Variants in EYA2 observed in about 807,000 individuals in gnomAD.
The protein encoded by EYA2 is protein phosphatase EYA2.
A neutral mutation model predicts 69.2 loss-of-function variants in EYA2; 31 were observed. The ratio of observed to expected loss-of-function variants is 0.45; its 90% CI spans 0.34 to 0.60. The LOEUF (loss-of-function observed/expected upper bound fraction) is 0.60. EYA2 is among the 20% of genes least tolerant of loss of function. The pLI is 0.02. For synonymous variants in EYA2, 257 were observed against 279.4 expected (o/e 0.92, Z 0.80); for missense variants, 622 against 701.2 (o/e 0.89, Z 1.28).
chr20:46,933,192 A>T (rs1985748380), intron 1 of EYA2, among the ~76,000 whole-genome samples: 1 of 152,172 alleles, frequency 6.6e-6, no homozygotes, highest in African/African-American at 2.4e-5. Flanking sequence ...GCCTCATCAG[A>T]TCATTTGAGA....
Position 47,188,563 on chromosome 20 carries a change from G to C in EYA2, c.*430G>C. On this transcript the variant is annotated 3_prime_UTR_variant, in exon 16 of 16. Coordinates refer to ENST00000327619, the MANE Select transcript of EYA2 (RefSeq NM_005244.5). ...AGTCGTTGGTTTGGTTTGGTTTTTTGAACTGGTATGTGGGGTGGTTCACAG... is the reference window on the plus strand; with the variant it reads ...AGTCGTTGGTTTGGTTTGGTTTTTTCAACTGGTATGTGGGGTGGTTCACAG... 1 of 460,368 alleles carries C rather than the reference G, an allele frequency of 2.2e-6. No homozygotes were observed. The highest frequency in any genetic ancestry group is 6.8e-5 in the South Asian group (1 of 14,610). The allele number at this position is 460,368 out of a possible 1,614,324, so 28.5% of individuals were successfully genotyped here.
At position 47,069,505 on chromosome 20, in the gene EYA2, A is replaced by G. The variant is rs528188049; in HGVS notation, c.416-2680A>G. ...ATTCTGTTTTTTAAAAAAAATCACC[A>G]TAAAGCTTCAGTAATAAGGATAGGA... On this transcript the variant is annotated intron_variant, in intron 5 of 15. Transcript: ENST00000327619. Among the ~76,000 whole-genome samples, 38 of 152,250 alleles carry G rather than the reference A, an allele frequency of 2.5e-4. 1 individual carries two copies. The highest frequency in any genetic ancestry group is 1.6e-4 in the Non-Finnish European group (11 of 68,016).
chr20:46,973,124 G>A (rs1462238074), intron 1 of EYA2, among the ~76,000 whole-genome samples: 1 of 152,266 alleles, frequency 6.6e-6, no homozygotes, highest in South Asian at 2.1e-4. Context: ...AGATGCAATG[G>A]TGAGAGCCCA....
At chr20:46,922,287 A>T (rs1985212341) in intron 1 of EYA2, among the ~76,000 whole-genome samples, 1 of 152,200 alleles carries the variant, frequency 6.6e-6, no homozygotes, top group Non-Finnish European at 1.5e-5. Flanking sequence ...GAAGAGTTAC[A>T]CTAATGGTAA....
chr20:47,108,410 T>A (rs1411534926), intron 9 of EYA2, among the ~76,000 whole-genome samples: 1 of 152,162 alleles, frequency 6.6e-6, no homozygotes, highest in African/African-American at 2.4e-5. Context: ...GCCTGAGGCC[T>A]CACCAGATGC....
intron 9 of EYA2, chr20:47,117,581 T>C: frequency 1.0e-6 from 1 of 985,380 alleles, no homozygotes; most frequent in Non-Finnish European, 1.2e-6. Flanking sequence ...AGGGATTCAA[T>C]CAGATCCAGT....
intron 5 of EYA2, among the ~76,000 whole-genome samples, chr20:47,049,425 C>A (rs1038363111): frequency 4.6e-5 from 7 of 152,088 alleles, no homozygotes; most frequent in African/African-American, 1.4e-4. Flanking sequence ...GGAGGTGGGG[C>A]CTGGTGGGAG....
intron 9 of EYA2, among the ~76,000 whole-genome samples, chr20:47,110,792 G>C (rs1371663913): frequency 6.6e-6 from 1 of 152,212 alleles, no homozygotes; most frequent in Non-Finnish European, 1.5e-5. Flanking sequence ...GCAGAAATAA[G>C]ATTCCAGGGC....
intron 5 of EYA2, among the ~76,000 whole-genome samples, chr20:47,070,805 T>C (rs2031285474): frequency 6.6e-6 from 1 of 152,198 alleles, no homozygotes; most frequent in African/African-American, 2.4e-5. Context: ...TTTTATGTTG[T>C]ATATATACCA....
At chr20:47,178,249 T>C (rs1024238965) in intron 12 of EYA2, among the ~76,000 whole-genome samples, 2 of 151,756 alleles carry the variant, frequency 1.3e-5, no homozygotes, top group Non-Finnish European at 2.9e-5. Context: ...GATTGCAGGA[T>C]TGCTTGAACC....
At chr20:46,949,666 A>G (rs1978681128) in intron 1 of EYA2, among the ~76,000 whole-genome samples, 1 of 152,252 alleles carries the variant, frequency 6.6e-6, no homozygotes, top group African/African-American at 2.4e-5. Context: ...GGCACATAGT[A>G]GGTGCTCACC....
chr20:47,005,131 A>G, intron 4 of EYA2, 47 bp downstream of exon 4: 3 of 1,601,256 alleles, frequency 1.9e-6, no homozygotes, highest in South Asian at 2.2e-5. Flanking sequence ...TCCCCAAATC[A>G]TGGTCTTTGT....
At chr20:46,956,595 C>T (rs1246666111) in intron 1 of EYA2, among the ~76,000 whole-genome samples, 2 of 152,214 alleles carry the variant, frequency 1.3e-5, no homozygotes, top group African/African-American at 4.8e-5. Context: ...GCCAGCCCTA[C>T]ACATTGCACA....
chr20:47,033,211 G>C (rs1473609260), intron 5 of EYA2, among the ~76,000 whole-genome samples: 5 of 152,158 alleles, frequency 3.3e-5, no homozygotes, highest in African/African-American at 1.2e-4. Flanking sequence ...GAGCCAAGAG[G>C]AGGCAAATAC....
intron 9 of EYA2, among the ~76,000 whole-genome samples, chr20:47,127,900 G>A (rs556330765): frequency 2.0e-5 from 3 of 152,360 alleles, no homozygotes; most frequent in South Asian, 4.1e-4. Context: ...GACAGCTAGC[G>A]TTGCTGACAG....
intron 10 of EYA2, among the ~76,000 whole-genome samples, chr20:47,152,811 A>G (rs2033849382): frequency 7.3e-6 from 1 of 136,362 alleles, no homozygotes; most frequent in Non-Finnish European, 1.5e-5. Flanking sequence ...ACTCAGTCTC[A>G]AAAAAAAAAA....
chr20:47,034,199 G>A (rs1984568615), intron 5 of EYA2, among the ~76,000 whole-genome samples: 2 of 152,216 alleles, frequency 1.3e-5, no homozygotes, highest in South Asian at 4.1e-4. Flanking sequence ...TATTTTTTGT[G>A]TTTTGTATTT....
In EYA2 at chr20:47,188,080, T is replaced by C. The variant is rs1184655854; in HGVS notation, c.1564T>C (p.Cys522Arg). ...CAACATGCCTTTCTGGCGGATATCC[T>C]GCCACGCAGACCTGGAGGCACTGAG... Reference protein sequence around the residue: ...KHNMPFWRISCHADLEALRHA... With the variant: ...KHNMPFWRISRHADLEALRHA... The change falls in exon 16 of 16, where the codon TGC becomes CGC. Residue 522 changes from cysteine (C) to arginine (R), a missense_variant. Cys to Arg is a radical substitution (Grantham distance 180). Transcript: ENST00000327619. 3 of 1,583,980 alleles carry C rather than the reference T, an allele frequency of 1.9e-6. No individual in the cohort carries two copies. The highest frequency in any genetic ancestry group is 1.3e-5 in the African/African-American group (1 of 74,384).
intron 10 of EYA2, among the ~76,000 whole-genome samples, chr20:47,168,420 A>T (rs1207959844): frequency 6.6e-6 from 1 of 151,632 alleles, no homozygotes; most frequent in Non-Finnish European, 1.5e-5. Context: ...CAAACTCCTG[A>T]CCTCAAACAA....
Sources: allele counts gnomAD v4.1 joint callset (sites outside exome capture counted in the v4.1 genomes callset), GRCh38; gene constraint gnomAD v4.1.1; transcripts MANE v1.5; gene names NCBI Gene and HGNC (gene_info 2026-07-23, HGNC 2026-07-21).